Variants in TTC39B observed in about 807,000 individuals in gnomAD.
TTC39B encodes tetratricopeptide repeat domain 39B.
Under a neutral mutation model 96.6 loss-of-function variants are expected in TTC39B, and 92 were observed. The ratio of observed to expected loss-of-function variants is 0.95; its 90% CI spans 0.80 to 1.13. The LOEUF (loss-of-function observed/expected upper bound fraction) is 1.13. TTC39B is among the 50% of genes most tolerant of loss of function. TTC39B has a pLI of 0.00. For missense variants in TTC39B, 955 were observed against 809.3 expected (o/e 1.18, Z -2.18); for synonymous variants, 367 against 299.4 (o/e 1.23, Z -2.33).
intron 2 of TTC39B, among the ~76,000 whole-genome samples, chr9:15,256,192 T>C (rs879073053): frequency 6.6e-6 from 1 of 152,118 alleles, no homozygotes; most frequent in Non-Finnish European, 1.5e-5. Flanking sequence ...TCTTTTTTTT[T>C]TCTTTCCCCT....
intron 1 of TTC39B, among the ~76,000 whole-genome samples, chr9:15,304,057 A>C (rs1277767125): frequency 6.6e-6 from 1 of 152,248 alleles, no homozygotes; most frequent in African/African-American, 2.4e-5. Context: ...GAATTAAATA[A>C]TAAAATATAA....
chr9:15,200,037 T>G (rs1203996129), intron 7 of TTC39B, 112 bp from the exon 8 acceptor site: 2 of 569,188 alleles, frequency 3.5e-6, no homozygotes, highest in Non-Finnish European at 6.0e-6. Flanking sequence ...CAAAAAAAAG[T>G]ATTTTGAGGA....
At chr9:15,233,638 G>A (rs1184901458) in intron 2 of TTC39B, among the ~76,000 whole-genome samples, 3 of 152,198 alleles carry the variant, frequency 2.0e-5, no homozygotes, top group East Asian at 1.9e-4. Context: ...GATTGCAGAC[G>A]GAGTCTCGTT....
At position 15,210,127 on chromosome 9, in the gene TTC39B, T is replaced by C. The variant is rs1564349472; in HGVS notation, c.652A>G (p.Ser218Gly). ...TCCAGGGATCCTCTAGAAAGAAGAC[T>C]TGAGAAAGATTCTACAACTGTGTAT... Residue 218 changes from serine (S) to glycine (G), a missense_variant, in exon 6 of 20, where the codon AGT (serine) becomes GGT (glycine). Transcript: ENST00000512701. 43 of 1,607,696 alleles carry C rather than the reference T, an allele frequency of 2.7e-5. No homozygotes were observed. Among genetic ancestry groups the C allele is most frequent in the Non-Finnish European group, 3.7e-5 (43 of 1,177,752 alleles).
chr9:15,224,392 C>G (rs536527609), intron 3 of TTC39B: 3 of 152,404 alleles, frequency 2.0e-5, no homozygotes, highest in Non-Finnish European at 4.4e-5. Flanking sequence ...TAGTCTTCCT[C>G]TCTCACACAT....
intron 16 of TTC39B, among the ~76,000 whole-genome samples, chr9:15,185,062 G>T (rs111813540): frequency 0.015 from 2,239 of 152,268 alleles, 61 homozygotes; most frequent in African/African-American, 0.051. Flanking sequence ...TACGTTTTTA[G>T]TAGCCTTTAT....
chr9:15,264,448 G>T (rs1823051784), intron 2 of TTC39B, among the ~76,000 whole-genome samples: 1 of 152,118 alleles, frequency 6.6e-6, no homozygotes. Flanking sequence ...GAGGTCAGGA[G>T]TTTGAGATCA....
At chr9:15,197,421 A>G (rs1385426464) in intron 8 of TTC39B, among the ~76,000 whole-genome samples, 3 of 152,216 alleles carry the variant, frequency 2.0e-5, no homozygotes, top group African/African-American at 7.2e-5. Context: ...CAGTTTTGTG[A>G]AAGGATTTTC....
At position 15,255,121 on chromosome 9, in the gene TTC39B, T is replaced by C. The variant is rs564709238; in HGVS notation, c.275+12793A>G. On this transcript the variant is annotated intron_variant, in intron 2 of 19. Coordinates refer to ENST00000512701, the Ensembl canonical transcript of TTC39B. Reference sequence around the variant, plus strand: ...GCTGCTGGTATGAATATTTTCATTCTAGACAATAAAAATAAAATAAATAAC... The same window carrying C: ...GCTGCTGGTATGAATATTTTCATTCCAGACAATAAAAATAAAATAAATAAC... Among the ~76,000 whole-genome samples, 27 of 152,246 alleles carry C rather than the reference T, an allele frequency of 1.8e-4. 1 individual carries two copies. In the South Asian group the frequency reaches 5.2e-3, roughly 29 times the overall value.
At chr9:15,249,720 T>C in intron 2 of TTC39B, 1 of 262,644 alleles carries the variant, frequency 3.8e-6, no homozygotes, top group South Asian at 5.7e-5. Flanking sequence ...GGGGGGAGGG[T>C]CAGAGGGGAA....
chr9:15,297,021 G>C (rs1205599831), intron 1 of TTC39B, among the ~76,000 whole-genome samples: 1 of 145,888 alleles, frequency 6.9e-6, no homozygotes, highest in Non-Finnish European at 1.5e-5. Flanking sequence ...AAAAAGAAAA[G>C]CCAAACTCGG....
At chr9:15,225,236 G>C (rs1006812614) in intron 3 of TTC39B, among the ~76,000 whole-genome samples, 1 of 152,042 alleles carries the variant, frequency 6.6e-6, no homozygotes, top group Admixed American at 6.6e-5. Flanking sequence ...TTACTGAACA[G>C]TATATTTAAT....
exon 20 of TTC39B, chr9:15,169,378 A>C (rs377151973): frequency 6.6e-6 from 1 of 152,102 alleles, no homozygotes; most frequent in African/African-American, 2.4e-5. Context: ...CCTTGTCACC[A>C]TTCCTACAAA....
At chr9:15,257,537 T>G (rs895003040) in intron 2 of TTC39B, among the ~76,000 whole-genome samples, 1 of 152,034 alleles carries the variant, frequency 6.6e-6, no homozygotes, top group Non-Finnish European at 1.5e-5. Context: ...CAGCCTCGAC[T>G]TCTGCGGCTC....
intron 2 of TTC39B, among the ~76,000 whole-genome samples, chr9:15,240,764 CAT>C (rs1822001953): frequency 6.6e-6 from 1 of 152,160 alleles, no homozygotes; most frequent in South Asian, 2.1e-4. Flanking sequence ...ATGTGTTTCT[CAT>C]GTTATTTTAG....
Position 15,196,135 on chromosome 9 carries a change from G to C in TTC39B, c.825-3440C>G, listed in dbSNP as rs146904188. Among the ~76,000 whole-genome samples, 308 of 152,318 alleles carry C rather than the reference G, an allele frequency of 2.0e-3. 2 individuals are homozygous for C. Among genetic ancestry groups the C allele is most frequent in the African/African-American group, 7.1e-3 (294 of 41,574 alleles). On this transcript the variant is annotated intron_variant, in intron 8 of 19. Coordinates refer to ENST00000512701, the Ensembl canonical transcript of TTC39B. ...CAGGGAAAAAAACATTTATTTCAAA[G>C]TATTATTGCTCACTGAAAATGCACC...
chr9:15,305,590 T>C (rs1466638741), intron 1 of TTC39B, among the ~76,000 whole-genome samples: 1 of 151,894 alleles, frequency 6.6e-6, no homozygotes, highest in Non-Finnish European at 1.5e-5. Flanking sequence ...AAATATTTAT[T>C]TACCAAGTAT....
intron 1 of TTC39B, among the ~76,000 whole-genome samples, chr9:15,285,803 C>A (rs143175296): frequency 2.3e-3 from 346 of 152,086 alleles, no homozygotes; most frequent in Admixed American, 3.9e-3. Flanking sequence ...TGCAGTGAGC[C>A]GAGATCGCGT....
At position 15,306,512 on chromosome 9, in the gene TTC39B, C is replaced by A. The variant is rs1042792734; in HGVS notation, c.240+572G>T. Among the ~76,000 whole-genome samples the A allele has an allele frequency of 3.9e-5, 6 of 152,340 alleles. No individual in the cohort carries two copies. In the East Asian group the frequency reaches 9.7e-4, roughly 25 times the overall value. ...AAGCACCACAGCCTGGGCTGCGGCT[C>A]TAGCCCTCCAGCCCCAGCCCCTGGC... On this transcript the variant is annotated intron_variant, in intron 1 of 19. Transcript: ENST00000512701. The surrounding 1 kb of genome is among the most constrained non-coding windows in gnomAD (Gnocchi z 5.1).
Sources: gnomAD v4.1 joint callset for allele counts (sites outside exome capture counted in the v4.1 genomes callset) on GRCh38, gnomAD v4.1.1 for gene constraint, Gnocchi (gnomAD v3.1) non-coding constraint, MANE v1.5 for transcripts, NCBI Gene and HGNC (gene_info 2026-07-23, HGNC 2026-07-21) for gene names.